Variants in BNC1 observed in about 807,000 individuals in gnomAD.
BNC1 encodes basonuclin zinc finger protein 1.
In BNC1, 8 loss-of-function variants were observed where a neutral mutation model predicts 66.5. That is an observed-to-expected ratio of 0.12 (90% confidence interval 0.07 to 0.22). The LOEUF is 0.22. BNC1 is among the 10% of genes least tolerant of loss of function. The pLI, the probability that BNC1 is intolerant of heterozygous loss-of-function variation, is 1.00. For missense variants in BNC1, 1,069 were observed against 1,241.3 expected (o/e 0.86, Z 2.09); for synonymous variants, 454 against 452.6 (o/e 1.00, Z -0.04).
At chr15:83,283,067 C>A in intron 1 of BNC1, 1 of 1,463,984 alleles carries the variant, frequency 6.8e-7, no homozygotes, top group Non-Finnish European at 9.2e-7. Context: ...CGTCTGATGC[C>A]CCCCGCCCCC....
At chr15:83,284,455 G>T in intron 1 of BNC1, 75 bp downstream of exon 1, 1 of 977,988 alleles carries the variant, frequency 1.0e-6, no homozygotes, top group Non-Finnish European at 1.3e-6. Flanking sequence ...CACGGGAGCC[G>T]GAGCCCAGCG....
rs200939367 is a variant in BNC1, at chr15:83,263,688, C to G, written c.1563G>C (p.Gln521His). ...CAAATGGCATTTCGTTTGAAATGAG[C>G]TGTTCTGGGATTGAAGAGGACAACA... is the stretch of plus-strand genomic sequence containing the variant. ...LPLLSSSIPEQLISNEMPFDA... is the reference protein window; with the variant it reads ...LPLLSSSIPEHLISNEMPFDA... The change falls in exon 4 of 5, where the codon CAG (glutamine) becomes CAC (histidine). Residue 521 changes from glutamine (Q) to histidine (H), a missense_variant. Coordinates refer to ENST00000345382, the MANE Select transcript of BNC1 (RefSeq NM_001717.4). 1 of 1,614,218 alleles carries G rather than the reference C, an allele frequency of 6.2e-7. No homozygotes were observed. Among genetic ancestry groups the G allele is most frequent in the Non-Finnish European group, 8.5e-7 (1 of 1,180,048 alleles).
chr15:83,257,587 T>C lies in BNC1; in HGVS notation c.2840A>G (p.Tyr947Cys). 3.7e-6 allele frequency: 6 copies of C among 1,614,130 alleles called. No individual in the cohort carries two copies. The highest frequency in any genetic ancestry group is 2.2e-5 in the South Asian group (2 of 91,066). ...GAGCTGCCGGAGGTGCACAGTTTTG[T>C]AGTGGGCCCTAAAGGTCCCTTTGTT... ...YSNKGTFRAH[Y>C]KTVHLRQLHK... The change falls in exon 5 of 5, where the codon TAC becomes TGC. Residue 947 changes from tyrosine to cysteine, a missense_variant. Around this residue, in one of 7 missense-constraint regions of BNC1, gnomAD observed 657 missense variants for 715.8 expected, o/e 0.92. Transcript: ENST00000345382.
intron 1 of BNC1, among the ~76,000 whole-genome samples, chr15:83,282,107 C>T (rs2038385400): frequency 6.6e-6 from 1 of 152,210 alleles, no homozygotes; most frequent in African/African-American, 2.4e-5. Context: ...TAAATCCTTA[C>T]TAGTCTGAAG....
chr15:83,263,304 G>A lies in BNC1; in HGVS notation c.1947C>T (p.Val649=), dbSNP rs569725514. ...AGTAGTGTTCATGGCCACCATCCTC[G>A]ACCTCCCTTGGCACCATGATCAATG... ...TPALIMVPRE[V]EDGGHEHYFT... is the part of the protein sequence containing the mutation. Residue 649 remains valine, a synonymous_variant, in exon 4 of 5, where the codon GTC becomes GTT. Coordinates refer to ENST00000345382, the MANE Select transcript of BNC1 (RefSeq NM_001717.4). 6.2e-6 allele frequency: 10 copies of A among 1,614,144 alleles called. No homozygotes were observed. In the African/African-American group the frequency reaches 1.1e-4, roughly 17 times the overall value.
In BNC1 at chr15:83,284,601, C is replaced by G; in HGVS notation, c.28G>C (p.Gly10Arg). ...TCCCGGGCCCGGGCCGCCCCGCGTC[C>G]GCCCCGGCTCGGCGGGCGCCGCCGC... The part of the protein sequence containing the change: MRRRPPSRG[G>R]RGAARARETR... Residue 10 changes from glycine (G) to arginine (R), a missense_variant, in exon 1 of 5, where the codon GGA becomes CGA. Coordinates refer to ENST00000345382, the MANE Select transcript of BNC1 (RefSeq NM_001717.4). 9.9e-7 allele frequency: 1 copy of G among 1,014,336 alleles called. No individual in the cohort carries two copies. The highest frequency in any genetic ancestry group is 1.7e-5 in the African/African-American group (1 of 57,480). The allele number at this position is 1,014,336 out of a possible 1,614,324, so 62.8% of individuals were successfully genotyped here.
At chr15:83,271,528 A>T (rs1207214804) in intron 1 of BNC1, among the ~76,000 whole-genome samples, 1 of 152,228 alleles carries the variant, frequency 6.6e-6, no homozygotes, top group Non-Finnish European at 1.5e-5. Flanking sequence ...ACTCCATGTG[A>T]TTAACACTCA....
chr15:83,269,209 G>T lies in BNC1; in HGVS notation c.100-977C>A, dbSNP rs534145709. On this transcript the variant is annotated intron_variant, in intron 1 of 4. Coordinates refer to ENST00000345382, the MANE Select transcript of BNC1 (RefSeq NM_001717.4). ...GCTGCACTCCAGCCTGGGCGACAGA[G>T]CGAGACTCCCTCTCAAAAAAACAAA... 2.6e-5 allele frequency among the ~76,000 whole-genome samples: 4 copies of T among 152,318 alleles called. No individual in the cohort carries two copies. The East Asian group carries it at 7.7e-4, about 29-fold the overall frequency.
chr15:83,269,594 G>T (rs1249084521), intron 1 of BNC1, among the ~76,000 whole-genome samples: 1 of 152,142 alleles, frequency 6.6e-6, no homozygotes, highest in East Asian at 1.9e-4. Context: ...AGGAGTATAT[G>T]ATCAGTCTCC....
At chr15:83,284,317 G>C (rs775043743) in intron 1 of BNC1, among the ~76,000 whole-genome samples, 23 of 151,748 alleles carry the variant, frequency 1.5e-4, no homozygotes, top group Non-Finnish European at 3.4e-4. Context: ...GGGCAGGGAC[G>C]GGTCCCAGAG....
At chr15:83,283,549 G>A (rs1383386482) in intron 1 of BNC1, 1 of 979,570 alleles carries the variant, frequency 1.0e-6, no homozygotes, top group African/African-American at 1.8e-5. Context: ...CGGGGGCCGG[G>A]GGCTTCCCGT....
chr15:83,270,313 A>G (rs1772047431), intron 1 of BNC1, among the ~76,000 whole-genome samples: 1 of 152,252 alleles, frequency 6.6e-6, no homozygotes, highest in Non-Finnish European at 1.5e-5. Flanking sequence ...AACATGTACA[A>G]TAATATGGTA....
intron 4 of BNC1, among the ~76,000 whole-genome samples, chr15:83,258,600 GA>G (rs2038109458): frequency 6.6e-6 from 1 of 152,266 alleles, no homozygotes; most frequent in Admixed American, 6.5e-5. Flanking sequence ...AGAATGACTA[GA>G]CTAAATCAAC....
At chr15:83,273,690 G>C (rs142166921) in intron 1 of BNC1, among the ~76,000 whole-genome samples, 2 of 152,320 alleles carry the variant, frequency 1.3e-5, no homozygotes, top group Non-Finnish European at 2.9e-5. Flanking sequence ...TCTTGGGATA[G>C]AAAGTTATGA....
rs1187748588 is a variant in BNC1, at chr15:83,257,202, G to C, written c.*240C>G. On this transcript the variant is annotated 3_prime_UTR_variant, in exon 5 of 5. Coordinates refer to ENST00000345382, the MANE Select transcript of BNC1 (RefSeq NM_001717.4). The stretch of plus-strand genomic sequence containing the variant: ...TCTGGGAAAAATCACATTTCTGCAA[G>C]TTTTCCTTGTATCAGTGAAAGACCT... 13 of 562,782 alleles carry C rather than the reference G, an allele frequency of 2.3e-5. No homozygotes were observed. The highest frequency in any genetic ancestry group is 2.8e-5 in the Non-Finnish European group (9 of 321,758). The allele number at this position is 562,782 out of a possible 1,614,324, so 34.9% of individuals were successfully genotyped here.
At chr15:83,259,201 A>G (rs572456474) in intron 4 of BNC1, among the ~76,000 whole-genome samples, 3 of 152,306 alleles carry the variant, frequency 2.0e-5, no homozygotes, top group Admixed American at 1.3e-4. Flanking sequence ...TTGTAAATCA[A>G]TGTTGGTCTT....
At position 83,263,726 on chromosome 15, in the gene BNC1, G is replaced by C. The variant is rs775054435; in HGVS notation, c.1525C>G (p.Pro509Ala). Residue 509 changes from proline (P) to alanine (A), a missense_variant, in exon 4 of 5, where the codon CCT becomes GCT. By Grantham distance (27) the Pro-to-Ala change is conservative. Coordinates refer to ENST00000345382, the MANE Select transcript of BNC1 (RefSeq NM_001717.4). ...GAAGAGGACAACAGCGGGAGGGAAGGGAGTATCCCAGGCGTGTTTGCTACC... is the reference window on the plus strand; with the variant it reads ...GAAGAGGACAACAGCGGGAGGGAAGCGAGTATCCCAGGCGTGTTTGCTACC... Reference protein sequence around the residue: ...AEVANTPGILPSLPLLSSSIP... With the variant: ...AEVANTPGILASLPLLSSSIP... 2.5e-6 allele frequency: 4 copies of C among 1,614,122 alleles called. No individual in the cohort carries two copies. The highest frequency in any genetic ancestry group is 3.3e-5 in the Admixed American group (2 of 60,000).
chr15:83,257,284 T>C lies in BNC1; in HGVS notation c.*158A>G, dbSNP rs769192834. On this transcript the variant is annotated 3_prime_UTR_variant, in exon 5 of 5. Transcript: ENST00000345382. The stretch of plus-strand genomic sequence containing the variant: ...CCCCAGTGTCATCTTCCCACGAGGT[T>C]TGTCTTTTGCTCATTGTGCTGTGGA... 7.2e-6 allele frequency: 6 copies of C among 832,534 alleles called. No homozygotes were observed. The highest frequency in any genetic ancestry group is 5.8e-5 in the Admixed American group (2 of 34,510). The allele number at this position is 832,534 out of a possible 1,614,324, so 51.6% of individuals were successfully genotyped here.
At position 83,273,527 on chromosome 15, in the gene BNC1, TAATC is replaced by T. The variant is rs781163388; in HGVS notation, c.100-5299_100-5296del. On this transcript the variant is annotated intron_variant, in intron 1 of 4. Transcript: ENST00000345382. ...TCATTGCTTTTTAATGCACTCATCT[TAATC>T]AGACTATTTTCAGAATTGTTATTAA... is the stretch of plus-strand genomic sequence containing the variant. Among the ~76,000 whole-genome samples, 6 of 151,828 alleles carry T rather than the reference TAATC, an allele frequency of 4.0e-5. No individual in the cohort carries two copies. In the East Asian group the frequency reaches 9.6e-4, roughly 24 times the overall value.
Sources: gnomAD v4.1 joint callset for allele counts (sites outside exome capture counted in the v4.1 genomes callset) on GRCh38, gnomAD v4.1.1 for gene constraint, gnomAD v4.1.1 regional missense constraint, MANE v1.5 for transcripts, NCBI Gene and HGNC (gene_info 2026-07-23, HGNC 2026-07-21) for gene names.